TMEM132D: variants seen among roughly 807,000 people sequenced by gnomAD.
TMEM132D encodes transmembrane protein 132D.
A neutral mutation model predicts 62.3 loss-of-function variants in TMEM132D; 21 were observed. That is an observed-to-expected ratio of 0.34 (90% CI 0.24 to 0.49). The LOEUF (loss-of-function observed/expected upper bound fraction) is 0.49, where lower values mean the gene tolerates loss of function less well. TMEM132D is among the 20% of genes least tolerant of loss of function. The probability of loss-of-function intolerance (pLI) is 0.99; values close to 1 mark genes in which losing one functional copy is unlikely to be tolerated. For synonymous variants in TMEM132D, 621 were observed against 575.6 expected (o/e 1.08, Z -1.13); for missense variants, 1,346 against 1,402.8 (o/e 0.96, Z 0.65).
intron 2 of TMEM132D, among the ~76,000 whole-genome samples, chr12:129,595,291 T>C (rs912505122): frequency 1.3e-5 from 2 of 152,188 alleles, no homozygotes; most frequent in South Asian, 2.1e-4. Flanking sequence ...AGATAGTGCA[T>C]ACGTAGACAA....
chr12:129,299,330 G>C lies in TMEM132D; in HGVS notation c.1299+38304C>G, dbSNP rs202242809. On this transcript the variant is annotated intron_variant, in intron 4 of 8. Coordinates refer to ENST00000422113, the MANE Select transcript of TMEM132D (RefSeq NM_133448.3). ...AAAACTGGTGCTGATGATACTGTTGGAGCTCCTGGATCAAGCCATACCTGA... is the reference window on the plus strand; with the variant it reads ...AAAACTGGTGCTGATGATACTGTTGCAGCTCCTGGATCAAGCCATACCTGA... 3.9e-5 allele frequency among the ~76,000 whole-genome samples: 6 copies of C among 151,990 alleles called. No homozygotes were observed. In the East Asian group the frequency reaches 1.2e-3, roughly 29 times the overall value.
rs1009715816 is a variant in TMEM132D at position 129,371,793 on chromosome 12, T to A, written c.1116-33976A>T. Among the ~76,000 whole-genome samples, 3 of 152,178 alleles carry A rather than the reference T, an allele frequency of 2.0e-5. No homozygotes were observed. Among genetic ancestry groups the A allele is most frequent in the African/African-American group, 7.2e-5 (3 of 41,440 alleles). On this transcript the variant is annotated intron_variant, in intron 3 of 8. Transcript: ENST00000422113. This position sits in a 1 kb window ranked among gnomAD's most constrained non-coding sequence, Gnocchi z 4.3. ...CGTATCTGCTGAACCTAGTTCAGTG[T>A]GTGGTGATATCAAGAGACTTTCCAA...
At chr12:129,684,785 T>C (rs1216731941) in intron 2 of TMEM132D, among the ~76,000 whole-genome samples, 1 of 151,890 alleles carries the variant, frequency 6.6e-6, no homozygotes, top group Non-Finnish European at 1.5e-5. Flanking sequence ...ATATGGACAA[T>C]GAAGTCCAAG....
At chr12:129,871,997 A>C (rs920121672) in intron 1 of TMEM132D, among the ~76,000 whole-genome samples, 1 of 152,278 alleles carries the variant, frequency 6.6e-6, no homozygotes, top group African/African-American at 2.4e-5. Flanking sequence ...CTCCCCAGCG[A>C]GCTGCTTCCC....
At chr12:129,455,392 C>T (rs1282902873) in intron 3 of TMEM132D, among the ~76,000 whole-genome samples, 1 of 152,108 alleles carries the variant, frequency 6.6e-6, no homozygotes, top group African/African-American at 2.4e-5. Context: ...TATCTTATAT[C>T]GTGGTTTTGA....
chr12:129,518,222 A>T, intron 3 of TMEM132D, among the ~76,000 whole-genome samples: 1 of 152,202 alleles, frequency 6.6e-6, no homozygotes, highest in East Asian at 1.9e-4. Flanking sequence ...GAAGAATCAA[A>T]ACCCCTGCAT....
chr12:129,486,386 G>A (rs1473616427), intron 3 of TMEM132D, among the ~76,000 whole-genome samples: 1 of 152,022 alleles, frequency 6.6e-6, no homozygotes, highest in African/African-American at 2.4e-5. Context: ...CAGAGACCCG[G>A]TTATGTACTT....
chr12:129,284,325 G>A (rs1314646683), intron 4 of TMEM132D, among the ~76,000 whole-genome samples: 2 of 152,234 alleles, frequency 1.3e-5, no homozygotes, highest in African/African-American at 4.8e-5. Flanking sequence ...ATCTGAAACA[G>A]AAAACCACTC....
At chr12:129,846,925 C>T (rs1873380543) in intron 1 of TMEM132D, among the ~76,000 whole-genome samples, 2 of 152,118 alleles carry the variant, frequency 1.3e-5, no homozygotes, top group African/African-American at 4.8e-5. Flanking sequence ...TCGACTTCTG[C>T]CCCCTCTCCC....
At chr12:129,653,106 C>T (rs1879973561) in intron 2 of TMEM132D, among the ~76,000 whole-genome samples, 1 of 152,128 alleles carries the variant, frequency 6.6e-6, no homozygotes, top group African/African-American at 2.4e-5. Flanking sequence ...GCTAGCCCAA[C>T]CGTGTGAAGG....
intron 5 of TMEM132D, among the ~76,000 whole-genome samples, chr12:129,206,799 G>T (rs73418280): frequency 0.09 from 13,747 of 152,136 alleles, 1,053 homozygotes; most frequent in East Asian, 0.34. Flanking sequence ...CATGTCCTTT[G>T]CAGGGACATG....
chr12:129,591,993 T>C (rs1329375851), intron 2 of TMEM132D, among the ~76,000 whole-genome samples: 1 of 152,202 alleles, frequency 6.6e-6, no homozygotes, highest in Non-Finnish European at 1.5e-5. Flanking sequence ...TTGCACTAAA[T>C]TGAAAACTTA....
At chr12:129,468,395 A>G (rs1459578229) in intron 3 of TMEM132D, among the ~76,000 whole-genome samples, 5 of 152,150 alleles carry the variant, frequency 3.3e-5, no homozygotes, top group Admixed American at 3.3e-4. Context: ...TCCCTGACAG[A>G]CACCTATTAG....
chr12:129,772,186 C>T (rs1299124469), intron 1 of TMEM132D, among the ~76,000 whole-genome samples: 4 of 152,088 alleles, frequency 2.6e-5, no homozygotes, highest in Admixed American at 2.0e-4. Context: ...TTAACAGGTG[C>T]ACGCCATTCC....
At chr12:129,251,357 CAAAAAAAAAAAAA>C (rs59666716) in intron 4 of TMEM132D, among the ~76,000 whole-genome samples, 3 of 79,782 alleles carry the variant, frequency 3.8e-5, no homozygotes, top group African/African-American at 5.0e-5. Flanking sequence ...GACACTGTCT[CAAAAAAAAAAAAA>C]AAAAAAAAAA....
At chr12:129,439,039 G>A (rs1872869001) in intron 3 of TMEM132D, among the ~76,000 whole-genome samples, 1 of 152,172 alleles carries the variant, frequency 6.6e-6, no homozygotes. Flanking sequence ...GCCCAGCATA[G>A]GATTAAAAAT....
intron 1 of TMEM132D, among the ~76,000 whole-genome samples, chr12:129,737,831 G>A (rs1029245141): frequency 6.6e-6 from 1 of 152,220 alleles, no homozygotes; most frequent in African/African-American, 2.4e-5. Context: ...TCTCACAGAG[G>A]CCCAGGATAG....
intron 4 of TMEM132D, among the ~76,000 whole-genome samples, chr12:129,247,533 T>C (rs2135588306): frequency 6.6e-6 from 1 of 152,342 alleles, no homozygotes; most frequent in Non-Finnish European, 1.5e-5. Context: ...TTCTCACCTG[T>C]AATAGTGTTC....
chr12:129,218,596 A>T (rs955932962), intron 4 of TMEM132D, among the ~76,000 whole-genome samples: 63 of 152,194 alleles, frequency 4.1e-4, no homozygotes, highest in African/African-American at 1.4e-3. Flanking sequence ...TTCATTGTTG[A>T]CCGAAATGTT....
Sources: gnomAD v4.1 joint callset for allele counts (sites outside exome capture counted in the v4.1 genomes callset) on GRCh38, gnomAD v4.1.1 for gene constraint, Gnocchi (gnomAD v3.1) non-coding constraint, MANE v1.5 for transcripts, NCBI Gene and HGNC (gene_info 2026-07-23, HGNC 2026-07-21) for gene names.